TK1: variants seen among roughly 807,000 people sequenced by gnomAD.
TK1 encodes the protein thymidine kinase 1.
Under a neutral mutation model 22.4 loss-of-function variants are expected in TK1, and 13 were observed. The ratio of observed to expected loss-of-function variants is 0.58; its 90% confidence interval spans 0.38 to 0.92. The LOEUF (loss-of-function observed/expected upper bound fraction) is 0.92, where lower values mean the gene tolerates loss of function less well. Ranked by LOEUF, TK1 falls within the 40% of genes least tolerant of loss-of-function variation. The pLI is 0.00. For missense variants in TK1, 251 were observed against 315.7 expected (o/e 0.80, Z 1.55); for synonymous variants, 134 against 125.4 (o/e 1.07, Z -0.46).
intron 2 of TK1, 72 bp downstream of exon 2, chr17:78,186,715 G>GAGGGA (rs2075803755): frequency 4.5e-6 from 6 of 1,336,838 alleles, no homozygotes; most frequent in Admixed American, 2.1e-5. Context: ...GAGGGAAGGG[G>GAGGGA]AGGGGAGGGA....
chr17:78,175,655 C>T (rs199730524), intron 4 of TK1, 37 bp from the exon 5 acceptor site: 166 of 1,584,706 alleles, frequency 1.0e-4, no homozygotes, highest in Middle Eastern at 5.0e-4. Context: ...GTGAGAGCTT[C>T]CACCCCAGCA....
intron 4 of TK1, among the ~76,000 whole-genome samples, chr17:78,181,106 C>T (rs901794855): frequency 6.7e-6 from 1 of 149,710 alleles, no homozygotes; most frequent in African/African-American, 2.4e-5. Context: ...AAATGAGCTA[C>T]GCATGGTGGC....
At chr17:78,183,117 G>A (rs562295459) in intron 3 of TK1, among the ~76,000 whole-genome samples, 241 of 152,168 alleles carry the variant, frequency 1.6e-3, no homozygotes, top group Non-Finnish European at 2.7e-3. Context: ...TGATCCACCC[G>A]CCTTAGCCTC....
At chr17:78,186,870 A>G in intron 1 of TK1, 52 bp from the exon 2 acceptor site, 1 of 1,568,270 alleles carries the variant, frequency 6.4e-7, no homozygotes, top group Non-Finnish European at 8.6e-7. Flanking sequence ...GGATGCCTGG[A>G]CACAGGCTAT....
At chr17:78,179,835 T>C in intron 4 of TK1, 3 of 818,004 alleles carry the variant, frequency 3.7e-6, no homozygotes, top group Non-Finnish European at 4.4e-6. Context: ...TTTGGGAGGC[T>C]GAGGCAGGCA....
Position 78,185,133 on chromosome 17 carries a change from T to G in TK1, c.131A>C (p.Gln44Pro). Residue 44 changes from glutamine to proline, a missense_variant, in exon 3 of 7, where the codon CAG becomes CCG. Physicochemically the swap from Gln to Pro is moderately conservative, Grantham distance 76. Coordinates refer to ENST00000301634, the MANE Select transcript of TK1 (RefSeq NM_003258.5). ...TELMRRVRRF[Q>P]IAQYKCLVIK... ...CACCAGGCACTTGTACTGAGCAATC[T>G]GGAAGCGACGGACGCGTCTCATCAA... The G allele has an allele frequency of 6.2e-7, 1 of 1,611,680 alleles. No individual in the cohort carries two copies. The highest frequency in any genetic ancestry group is 8.5e-7 in the Non-Finnish European group (1 of 1,179,468).
intron 4 of TK1, among the ~76,000 whole-genome samples, chr17:78,177,177 G>A (rs531618864): frequency 5.2e-4 from 79 of 152,260 alleles, no homozygotes; most frequent in African/African-American, 1.9e-3. Context: ...ACAGACGTGA[G>A]CCTCTGTGCC....
intron 4 of TK1, among the ~76,000 whole-genome samples, chr17:78,178,638 CTTTTGTTTTG>C (rs923908797): frequency 1.3e-5 from 2 of 152,060 alleles, no homozygotes; most frequent in Non-Finnish European, 2.9e-5. Flanking sequence ...CCCTGAACTT[CTTTTGTTTTG>C]TTTTGTTTTG....
chr17:78,174,578 G>A lies in TK1; in HGVS notation c.*181C>T. 1 of 682,696 alleles carries A rather than the reference G, an allele frequency of 1.5e-6. No individual in the cohort carries two copies. The highest frequency in any genetic ancestry group is 1.9e-5 in the South Asian group (1 of 51,846). The allele number at this position is 682,696 out of a possible 1,614,324, so 42.3% of individuals were successfully genotyped here. A position where few individuals can be genotyped will look rare whatever the true frequency, so the allele number is the denominator to read the frequency against. On this transcript the variant is annotated 3_prime_UTR_variant, in exon 7 of 7. Transcript: ENST00000301634. ...GAGGGAAGCTTTAAGCAGACCAGTG[G>A]GTAGGAGAGGAGGGAGCATGCGGCA...
intron 4 of TK1, chr17:78,179,376 T>G (rs1467389266): frequency 2.0e-6 from 2 of 985,220 alleles, no homozygotes; most frequent in Admixed American, 1.2e-4. Flanking sequence ...CAACGACGTC[T>G]CCACGTACGC....
In TK1 at chr17:78,175,135, G is replaced by C; in HGVS notation, c.428C>G (p.Ala143Gly). Residue 143 changes from alanine to glycine, a missense_variant, in exon 6 of 7, where the codon GCC becomes GGC. By Grantham distance (60) the Ala-to-Gly change is moderately conservative. Transcript: ENST00000301634. Reference protein sequence around the residue: ...FGAILNLVPLAESVVKLTAVC... With the variant: ...FGAILNLVPLGESVVKLTAVC... ...CGCCGTCAGCTTCACCACGCTCTCGGCCAGCGGCACCAGGTTCAGGATGGC... is the reference window on the plus strand; with the variant it reads ...CGCCGTCAGCTTCACCACGCTCTCGCCCAGCGGCACCAGGTTCAGGATGGC... The C allele has an allele frequency of 6.2e-7, 1 of 1,613,248 alleles. No homozygotes were observed. Among genetic ancestry groups the C allele is most frequent in the Non-Finnish European group, 8.5e-7 (1 of 1,179,882 alleles).
chr17:78,179,474 G>A, intron 4 of TK1: 1 of 985,474 alleles, frequency 1.0e-6, no homozygotes, highest in Non-Finnish European at 1.2e-6. Flanking sequence ...CAGCTGCCGG[G>A]TGGTCGGGAA....
Position 78,185,841 on chromosome 17 carries a change from T to C in TK1, c.99-676A>G, listed in dbSNP as rs548247496. Among the ~76,000 whole-genome samples the C allele has an allele frequency of 1.4e-3, 215 of 152,336 alleles. 1 individual carries two copies. Among genetic ancestry groups the C allele is most frequent in the African/African-American group, 5.0e-3 (208 of 41,570 alleles). ...CACCACACCTGGCATACAGCTTTTC[T>C]AAATTAATTTCAGAAAGTCTTTGTG... On this transcript the variant is annotated intron_variant, in intron 2 of 6. Transcript: ENST00000301634.
intron 4 of TK1, among the ~76,000 whole-genome samples, chr17:78,178,410 A>C (rs1487563548): frequency 6.6e-6 from 1 of 152,132 alleles, no homozygotes; most frequent in Non-Finnish European, 1.5e-5. Flanking sequence ...GGGTACAAAG[A>C]AGCACAGAAG....
chr17:78,175,630 A>C lies in TK1; in HGVS notation c.304-12T>G. On this transcript the variant is annotated splice_polypyrimidine_tract_variant and intron_variant, in intron 4 of 6. Transcript: ENST00000301634. Reference sequence around the variant, plus strand: ...ACGATGTCAGGGAACTGGAAAGGGCACGTGGAGAAAGAGTGTGAGAGCTTC... The same window carrying C: ...ACGATGTCAGGGAACTGGAAAGGGCCCGTGGAGAAAGAGTGTGAGAGCTTC... The C allele has an allele frequency of 6.2e-7, 1 of 1,611,640 alleles. No homozygotes were observed. The highest frequency in any genetic ancestry group is 8.5e-7 in the Non-Finnish European group (1 of 1,178,970).
intron 2 of TK1, 44 bp downstream of exon 2, chr17:78,186,743 G>A (rs752776008): frequency 1.3e-6 from 2 of 1,556,686 alleles, no homozygotes; most frequent in Non-Finnish European, 1.7e-6. Flanking sequence ...AGGGGTCCCC[G>A]GAGAAGAGGA....
At chr17:78,177,938 T>G (rs1219551413) in intron 4 of TK1, among the ~76,000 whole-genome samples, 1 of 152,128 alleles carries the variant, frequency 6.6e-6, no homozygotes, top group Non-Finnish European at 1.5e-5. Flanking sequence ...TGGCATAATC[T>G]TGGCTCACTG....
chr17:78,177,563 A>G (rs1256195334), intron 4 of TK1, among the ~76,000 whole-genome samples: 1 of 149,482 alleles, frequency 6.7e-6, no homozygotes, highest in East Asian at 2.0e-4. Flanking sequence ...AACAGAAAAC[A>G]CAAAAAGGTC....
intron 2 of TK1, among the ~76,000 whole-genome samples, chr17:78,185,389 G>A (rs2075775291): frequency 2.6e-5 from 4 of 152,118 alleles, no homozygotes; most frequent in South Asian, 4.1e-4. Context: ...GTACTCAGGT[G>A]GTCCCAGGAA....
Sources: gnomAD v4.1 joint callset for allele counts (sites outside exome capture counted in the v4.1 genomes callset) on GRCh38, gnomAD v4.1.1 for gene constraint, MANE v1.5 for transcripts, NCBI Gene and HGNC (gene_info 2026-07-23, HGNC 2026-07-21) for gene names.